Variants in GAB1 observed in about 807,000 individuals in gnomAD.
The protein encoded by GAB1 is GRB2 associated binding protein 1.
Under a neutral mutation model 66.5 loss-of-function variants are expected in GAB1, and 19 were observed. The ratio of observed to expected loss-of-function variants is 0.29; its 90% CI spans 0.20 to 0.42. The LOEUF (loss-of-function observed/expected upper bound fraction) is 0.42, where lower values mean the gene tolerates loss of function less well. Among genes scored for constraint, GAB1 ranks in the 10% least tolerant of loss-of-function variants. The pLI is 1.00. For missense variants in GAB1, 732 were observed against 858.5 expected (o/e 0.85, Z 1.84); for synonymous variants, 294 against 301.4 (o/e 0.98, Z 0.25).
At chr4:143,385,609 T>A (rs77537794) in intron 1 of GAB1, among the ~76,000 whole-genome samples, 4,316 of 152,260 alleles carry the variant, frequency 0.028, 73 homozygotes, top group South Asian at 0.059. Flanking sequence ...CTCACCATGA[T>A]CTCATTTCAG....
intron 6 of GAB1, among the ~76,000 whole-genome samples, chr4:143,442,150 A>T (rs1560773938): frequency 1.3e-5 from 2 of 152,226 alleles, no homozygotes. Flanking sequence ...ATTGGTTCAT[A>T]CAGATCACTG....
Position 143,469,256 on chromosome 4 carries a change from T to C in GAB1, c.*67T>C. 6.7e-7 allele frequency: 1 copy of C among 1,503,630 alleles called. No homozygotes were observed. Among genetic ancestry groups the C allele is most frequent in the Non-Finnish European group, 9.1e-7 (1 of 1,097,626 alleles). The allele number at this position is 1,503,630 out of a possible 1,614,324, so 93.1% of individuals were successfully genotyped here. ...GTAAAGATAAATCCCTTTTGAAGAA[T>C]GACTTGACACTTCCACTCTAGGTAG... On this transcript the variant is annotated 3_prime_UTR_variant, in exon 10 of 10. Coordinates refer to ENST00000262994, the MANE Select transcript of GAB1 (RefSeq NM_002039.4).
intron 2 of GAB1, chr4:143,424,847 C>T (rs1334440801): frequency 4.0e-5 from 16 of 397,358 alleles, no homozygotes; most frequent in African/African-American, 2.1e-4. Context: ...CCCAGCTACT[C>T]GGGAGGCTGA....
At position 143,438,508 on chromosome 4, in the gene GAB1, A is replaced by T; in HGVS notation, c.1103A>T (p.Asp368Val). ...TGTAGTATCCCACGCACCGCCTCAG[A>T]CACTGACAGTAGTTACTGTATCCCT... ...ETCSIPRTAS[D>V]TDSSYCIPTA... The change falls in exon 4 of 10, where the codon GAC becomes GTC. Residue 368 changes from aspartate (D) to valine (V), a missense_variant. Physicochemically the swap from Asp to Val is radical, Grantham distance 152. Around this residue, in one of 4 missense-constraint regions of GAB1, gnomAD observed 427 missense variants for 420.6 expected, o/e 1.02. Coordinates refer to ENST00000262994, the MANE Select transcript of GAB1 (RefSeq NM_002039.4). 2 of 1,614,054 alleles carry T rather than the reference A, an allele frequency of 1.2e-6. No individual in the cohort carries two copies. Among genetic ancestry groups the T allele is most frequent in the African/African-American group, 2.7e-5 (2 of 75,010 alleles).
At chr4:143,425,200 T>C in intron 2 of GAB1, 2 of 863,290 alleles carry the variant, frequency 2.3e-6, no homozygotes, top group Non-Finnish European at 3.9e-6. Flanking sequence ...ATTATAAATC[T>C]GAAGAGGACC....
At chr4:143,360,803 G>T (rs1340827482) in intron 1 of GAB1, among the ~76,000 whole-genome samples, 3 of 152,108 alleles carry the variant, frequency 2.0e-5, no homozygotes, top group Non-Finnish European at 4.4e-5. Context: ...TAAGCCAAAA[G>T]GAGAATTTAA....
chr4:143,436,005 G>A (rs1021997549), intron 3 of GAB1, among the ~76,000 whole-genome samples: 1 of 152,178 alleles, frequency 6.6e-6, no homozygotes, highest in African/African-American at 2.4e-5. Flanking sequence ...AGAGCAAGGA[G>A]CTTTACTTAT....
chr4:143,344,523 C>G lies in GAB1; in HGVS notation c.72+7263C>G, dbSNP rs571238518. Among the ~76,000 whole-genome samples, 3 of 152,314 alleles carry G rather than the reference C, an allele frequency of 2.0e-5. No individual in the cohort carries two copies. The East Asian group carries it at 5.8e-4, about 29-fold the overall frequency. On this transcript the variant is annotated intron_variant, in intron 1 of 9. Transcript: ENST00000262994. ...TATTCTCCCCTCTTGGGGTATAACA[C>G]ACATAAAATTAGCATTCTTTCTTTT...
chr4:143,432,999 C>T (rs1733754893), intron 2 of GAB1, among the ~76,000 whole-genome samples: 1 of 152,140 alleles, frequency 6.6e-6, no homozygotes, highest in Non-Finnish European at 1.5e-5. Flanking sequence ...AAGTATTTCT[C>T]TGTAGTCTGC....
chr4:143,340,375 G>T (rs1045558801), intron 1 of GAB1, among the ~76,000 whole-genome samples: 1 of 152,134 alleles, frequency 6.6e-6, no homozygotes, highest in African/African-American at 2.4e-5. Flanking sequence ...TGAGCATCAT[G>T]ATTCTGTTTG....
chr4:143,457,564 A>C (rs1735257227), intron 6 of GAB1: 1 of 516,778 alleles, frequency 1.9e-6, no homozygotes, highest in Non-Finnish European at 3.3e-6. Context: ...TCATGCTTTT[A>C]GATGTAACAT....
intron 2 of GAB1, among the ~76,000 whole-genome samples, chr4:143,426,172 A>G (rs958682326): frequency 9.9e-5 from 15 of 152,206 alleles, no homozygotes; most frequent in Admixed American, 2.0e-4. Flanking sequence ...AACTTGATTC[A>G]TCTAGGAGTG....
chr4:143,448,726 C>A (rs200862211), intron 6 of GAB1, among the ~76,000 whole-genome samples: 5 of 150,900 alleles, frequency 3.3e-5, no homozygotes, highest in African/African-American at 7.3e-5. Flanking sequence ...TTTTGTTGAT[C>A]CTTTCAAAAA....
At chr4:143,445,603 C>G (rs905439420) in intron 6 of GAB1, among the ~76,000 whole-genome samples, 2 of 151,984 alleles carry the variant, frequency 1.3e-5, no homozygotes, top group African/African-American at 4.8e-5. Flanking sequence ...TTAGGTCCCA[C>G]TTCTCAATTT....
intron 1 of GAB1, among the ~76,000 whole-genome samples, chr4:143,385,728 T>C (rs935472096): frequency 1.3e-5 from 2 of 152,184 alleles, no homozygotes; most frequent in African/African-American, 4.8e-5. Context: ...AAATAAAATG[T>C]TAGCCAGCAG....
intron 1 of GAB1, among the ~76,000 whole-genome samples, chr4:143,370,828 T>C (rs1266182852): frequency 6.6e-6 from 1 of 152,166 alleles, no homozygotes; most frequent in East Asian, 1.9e-4. Flanking sequence ...GATAGTTTGC[T>C]CAGAATGATG....
intron 4 of GAB1, 99 bp downstream of exon 4, chr4:143,438,699 AC>A: frequency 7.9e-7 from 1 of 1,260,364 alleles, no homozygotes. Context: ...ATACTATGCT[AC>A]AAAATACAGT....
chr4:143,457,717 T>C (rs757427050), intron 6 of GAB1: 1 of 1,575,340 alleles, frequency 6.3e-7, no homozygotes, highest in South Asian at 1.2e-5. Flanking sequence ...AACCCCATGG[T>C]TTAGAGCGAA....
intron 1 of GAB1, among the ~76,000 whole-genome samples, chr4:143,394,624 A>G (rs1277554747): frequency 1.3e-5 from 2 of 152,114 alleles, no homozygotes; most frequent in South Asian, 2.1e-4. Context: ...ACTTAGTTTC[A>G]TCATCATCAT....
Sources: gnomAD v4.1 joint callset for allele counts (sites outside exome capture counted in the v4.1 genomes callset) on GRCh38, gnomAD v4.1.1 for gene constraint, gnomAD v4.1.1 regional missense constraint, MANE v1.5 for transcripts, NCBI Gene and HGNC (gene_info 2026-07-23, HGNC 2026-07-21) for gene names.